DAB1: variants seen among roughly 807,000 people sequenced by gnomAD.
The protein encoded by DAB1 is disabled homolog 1.
DAB1 carries 15 observed loss-of-function variants against 64.6 expected under a neutral mutation model. The ratio of observed to expected loss-of-function variants is 0.23; its 90% CI spans 0.16 to 0.36. The LOEUF (loss-of-function observed/expected upper bound fraction) is 0.36. DAB1 is among the 10% of genes least tolerant of loss of function. The pLI, the probability that DAB1 is intolerant of heterozygous loss-of-function variation, is 1.00. For synonymous variants in DAB1, 235 were observed against 251.9 expected, an observed-to-expected ratio of 0.93 and a Z score of 0.64; for missense variants, 596 against 706.7, an observed-to-expected ratio of 0.84 and a Z score of 1.78.
At chr1:58,173,452 C>A (rs772789123) in intron 4 of DAB1, among the ~76,000 whole-genome samples, 41 of 152,174 alleles carry the variant, frequency 2.7e-4, no homozygotes, top group Non-Finnish European at 4.6e-4. Context: ...CATGACCATT[C>A]ACCCCGAACC....
intron 2 of DAB1, among the ~76,000 whole-genome samples, chr1:57,272,722 G>T (rs1400072189): frequency 1.3e-5 from 2 of 152,118 alleles, no homozygotes; most frequent in African/African-American, 4.8e-5. Flanking sequence ...CTACCTCACT[G>T]GTTGTTGTGT....
chr1:58,267,157 T>A (rs1018569435), intron 4 of DAB1, among the ~76,000 whole-genome samples: 14 of 152,008 alleles, frequency 9.2e-5, no homozygotes, highest in African/African-American at 3.4e-4. Context: ...GAGGTGGAGG[T>A]TGCAGTGAGC....
chr1:57,015,927 T>G (rs558798812), intron 11 of DAB1, among the ~76,000 whole-genome samples: 3 of 152,316 alleles, frequency 2.0e-5, no homozygotes, highest in Middle Eastern at 3.4e-3. Flanking sequence ...ATCTGAATGT[T>G]GGAGTTTTAG....
At chr1:57,452,420 C>T (rs930486288) in intron 7 of DAB1, among the ~76,000 whole-genome samples, 1 of 151,884 alleles carries the variant, frequency 6.6e-6, no homozygotes, top group African/African-American at 2.4e-5. Flanking sequence ...AGCAGCATGA[C>T]CAGGACATTT....
chr1:57,398,078 C>A (rs1459951940), intron 1 of DAB1, among the ~76,000 whole-genome samples: 1 of 152,158 alleles, frequency 6.6e-6, no homozygotes, highest in Non-Finnish European at 1.5e-5. Flanking sequence ...TTTGACTGCC[C>A]AAGTTTACCA....
chr1:57,782,497 T>C (rs1207458050), intron 6 of DAB1, among the ~76,000 whole-genome samples: 1 of 152,186 alleles, frequency 6.6e-6, no homozygotes, highest in Non-Finnish European at 1.5e-5. Context: ...TGAAATTAAA[T>C]TGGCTAATTT....
intron 4 of DAB1, among the ~76,000 whole-genome samples, chr1:58,215,287 T>A (rs1313070962): frequency 6.6e-6 from 1 of 152,128 alleles, no homozygotes; most frequent in Non-Finnish European, 1.5e-5. Flanking sequence ...TAGCTCCTTC[T>A]TGTCATTCAG....
At chr1:58,342,528 T>C (rs1557735597) in intron 4 of DAB1, among the ~76,000 whole-genome samples, 1 of 152,180 alleles carries the variant, frequency 6.6e-6, no homozygotes. Flanking sequence ...TTATATATCA[T>C]CCTTTCTTCT....
intron 5 of DAB1, among the ~76,000 whole-genome samples, chr1:57,905,062 A>G (rs771394036): frequency 1.3e-5 from 2 of 152,072 alleles, no homozygotes; most frequent in Non-Finnish European, 2.9e-5. Flanking sequence ...AGGTATATTA[A>G]CTTATTTATT....
intron 6 of DAB1, among the ~76,000 whole-genome samples, chr1:57,703,874 A>T (rs1274531175): frequency 6.6e-6 from 1 of 152,192 alleles, no homozygotes; most frequent in Non-Finnish European, 1.5e-5. Context: ...GAATGAGATC[A>T]TGTCCTTTGC....
intron 2 of DAB1, among the ~76,000 whole-genome samples, chr1:57,254,294 G>C (rs1669591718): frequency 6.6e-6 from 1 of 152,230 alleles, no homozygotes; most frequent in Non-Finnish European, 1.5e-5. Flanking sequence ...ATTAAGGCCA[G>C]TGAGGACAAC....
chr1:57,300,492 T>G (rs1673554293), intron 1 of DAB1, among the ~76,000 whole-genome samples: 1 of 152,154 alleles, frequency 6.6e-6, no homozygotes, highest in African/African-American at 2.4e-5. Context: ...AAGTAAATGT[T>G]AGTCACCTTA....
At chr1:57,344,511 G>T (rs1206629374) in intron 1 of DAB1, among the ~76,000 whole-genome samples, 1 of 151,998 alleles carries the variant, frequency 6.6e-6, no homozygotes, top group Non-Finnish European at 1.5e-5. Context: ...ATGCTAAATT[G>T]TACACAATTA....
intron 6 of DAB1, among the ~76,000 whole-genome samples, chr1:57,662,108 T>C (rs1646393611): frequency 6.6e-6 from 1 of 152,236 alleles, no homozygotes; most frequent in Non-Finnish European, 1.5e-5. Context: ...TTCTCTCCCC[T>C]TCCTCCACTT....
intron 5 of DAB1, among the ~76,000 whole-genome samples, chr1:57,898,003 G>T (rs1047633371): frequency 1.1e-4 from 17 of 152,128 alleles, no homozygotes; most frequent in Admixed American, 9.8e-4. Context: ...AGGAAGGAAT[G>T]GGTTCCAGGG....
intron 7 of DAB1, among the ~76,000 whole-genome samples, chr1:57,462,502 T>A (rs1190235663): frequency 6.6e-6 from 1 of 152,214 alleles, no homozygotes; most frequent in Non-Finnish European, 1.5e-5. Context: ...TTTCCTTAGA[T>A]ATAGCTTTAA....
At chr1:58,521,132 C>T (rs1313944089) in intron 2 of DAB1, among the ~76,000 whole-genome samples, 2 of 151,988 alleles carry the variant, frequency 1.3e-5, no homozygotes, top group Non-Finnish European at 2.9e-5. Flanking sequence ...AAATCGAAAA[C>T]AAAAGGTAAC....
chr1:57,686,137 A>T (rs951185919), intron 6 of DAB1, among the ~76,000 whole-genome samples: 13 of 152,188 alleles, frequency 8.5e-5, no homozygotes, highest in African/African-American at 3.1e-4. Context: ...CAAAGAATAA[A>T]CAAGATTGCT....
intron 7 of DAB1, among the ~76,000 whole-genome samples, chr1:57,617,355 T>TA (rs1396208374): frequency 6.6e-6 from 1 of 152,046 alleles, no homozygotes; most frequent in Non-Finnish European, 1.5e-5. Flanking sequence ...TGAGACCACA[T>TA]CCTTGTTTAA....
Sources: allele counts gnomAD v4.1 joint callset (sites outside exome capture counted in the v4.1 genomes callset), GRCh38; gene constraint gnomAD v4.1.1; transcripts MANE v1.5; gene names NCBI Gene and HGNC (gene_info 2026-07-23, HGNC 2026-07-21).